The following CECR2 variants were observed in gnomAD, a reference collection of about 807,000 sequenced individuals.
CECR2 encodes CECR2 histone acetyl-lysine reader.
In CECR2, 30 loss-of-function variants were observed where a neutral mutation model predicts 154.5. The observed-to-expected ratio is 0.19, with a 90% CI of 0.15 to 0.26. CECR2 has a LOEUF of 0.26. Among genes scored for constraint, CECR2 ranks in the 10% least tolerant of loss-of-function variants. The pLI is 1.00. For synonymous variants in CECR2, 725 were observed against 683.7 expected, an observed-to-expected ratio of 1.06 and a Z score of -0.94; for missense variants, 1,743 against 1,829.3, an observed-to-expected ratio of 0.95 and a Z score of 0.86.
chr22:17,371,427 A>T (rs2063059408), intron 1 of CECR2, among the ~76,000 whole-genome samples: 2 of 152,196 alleles, frequency 1.3e-5, no homozygotes, highest in South Asian at 4.1e-4. Flanking sequence ...TTTGAACGTG[A>T]ATGTAGCAAG....
At chr22:17,547,685 C>T (rs896015293) in intron 16 of CECR2, among the ~76,000 whole-genome samples, 4 of 152,142 alleles carry the variant, frequency 2.6e-5, no homozygotes, top group African/African-American at 9.7e-5. Context: ...CTTTTATTCT[C>T]GTGGAGCAGA....
intron 1 of CECR2, among the ~76,000 whole-genome samples, chr22:17,442,275 C>A (rs1385069997): frequency 6.6e-6 from 1 of 152,122 alleles, no homozygotes. Context: ...TTAAAAAATG[C>A]AGATCAGGCC....
intron 1 of CECR2, among the ~76,000 whole-genome samples, chr22:17,416,018 C>T (rs2054152179): frequency 6.6e-6 from 1 of 152,136 alleles, no homozygotes; most frequent in Non-Finnish European, 1.5e-5. Context: ...TTAGGATTGC[C>T]ATTAATGTTT....
Position 17,553,064 on chromosome 22 carries a change from C to A in CECR2, c.*224C>A. The A allele has an allele frequency of 1.9e-6, 2 of 1,066,316 alleles. No individual in the cohort carries two copies. The highest frequency in any genetic ancestry group is 2.5e-6 in the Non-Finnish European group (2 of 808,384). 66.1% of individuals were successfully genotyped at this position (1,066,316 alleles called of 1,614,324 possible). A position where few individuals can be genotyped will look rare whatever the true frequency, so the allele number is the denominator to read the frequency against. ...AAGGTCCTCGGCCAGGGATCTCTTG[C>A]ACAGCTGATGTAGACAGTCAGGCAA... On this transcript the variant is annotated 3_prime_UTR_variant, in exon 19 of 19. Transcript: ENST00000262608.
At chr22:17,505,835 C>CT (rs3994825) in intron 7 of CECR2, among the ~76,000 whole-genome samples, 1,397 of 84,484 alleles carry the variant, frequency 0.017, 60 homozygotes, top group East Asian at 0.081. Flanking sequence ...CTGCACCCGG[C>CT]TTTTTTTTTT....
upstream of CECR2, chr22:17,369,397 G>GCCCCCTCCTCGTGGGCGGCCCCT (rs2063026956): frequency 1.3e-5 from 2 of 151,226 alleles, no homozygotes; most frequent in African/African-American, 2.4e-5. Context: ...GGGCAGCCCC[G>GCCCCCTCCTCGTGGGCGGCCCCT]CCCCCTCCTC....
chr22:17,403,049 C>T (rs541433794), intron 1 of CECR2, among the ~76,000 whole-genome samples: 22 of 152,338 alleles, frequency 1.4e-4, no homozygotes, highest in African/African-American at 5.1e-4. Flanking sequence ...CCAGCGCACC[C>T]GGCAGTTTCC....
intron 9 of CECR2, among the ~76,000 whole-genome samples, chr22:17,529,238 G>T (rs1478857233): frequency 6.6e-6 from 1 of 152,196 alleles, no homozygotes; most frequent in Non-Finnish European, 1.5e-5. Context: ...AGTCCAGGGC[G>T]AGGCTGCAGC....
intron 9 of CECR2, among the ~76,000 whole-genome samples, chr22:17,524,502 C>T (rs1304521214): frequency 7.4e-6 from 1 of 135,410 alleles, no homozygotes; most frequent in Non-Finnish European, 1.6e-5. Flanking sequence ...ATGCCATTCT[C>T]CTGCCTCAGC....
Position 17,542,505 on chromosome 22 carries a change from C to T in CECR2, c.2362C>T (p.Pro788Ser), listed in dbSNP as rs1259026427. 1.2e-6 allele frequency: 2 copies of T among 1,613,954 alleles called. No homozygotes were observed. Among genetic ancestry groups the T allele is most frequent in the African/African-American group, 2.7e-5 (2 of 75,036 alleles). The change falls in exon 16 of 19, where the codon CCA (proline) becomes TCA (serine). Residue 788 changes from proline (P) to serine (S), a missense_variant. This residue lies in a region of CECR2 where 1,250 missense variants were observed against 1,192.1 expected (regional missense o/e 1.05). Coordinates refer to ENST00000262608, the MANE Select transcript of CECR2 (RefSeq NM_001290047.2). The stretch of plus-strand genomic sequence containing the variant: ...TGCTACGAACCAAGGACCCTTGGGC[C>T]CAGATGAGAAGCCCCACCTGGGGCC... ...HGATNQGPLGPDEKPHLGPGP... is the reference protein window; with the variant it reads ...HGATNQGPLGSDEKPHLGPGP...
At chr22:17,532,703 T>A in intron 9 of CECR2, among the ~76,000 whole-genome samples, 1 of 35,602 alleles carries the variant, frequency 2.8e-5, no homozygotes, top group African/African-American at 1.3e-4. Context: ...TATTATTCTT[T>A]TTTTTTTTTT....
chr22:17,383,707 G>T (rs1228973120), intron 1 of CECR2, among the ~76,000 whole-genome samples: 1 of 138,790 alleles, frequency 7.2e-6, no homozygotes, highest in Admixed American at 7.7e-5. Flanking sequence ...TATTGCCCAG[G>T]CTGGAGCGCA....
intron 1 of CECR2, among the ~76,000 whole-genome samples, chr22:17,392,146 G>T (rs2063332734): frequency 6.6e-6 from 1 of 152,172 alleles, no homozygotes. Flanking sequence ...AATAAGCGTG[G>T]CTTGGTAGCT....
At chr22:17,386,321 A>G (rs1398464958) in intron 1 of CECR2, among the ~76,000 whole-genome samples, 2 of 152,176 alleles carry the variant, frequency 1.3e-5, no homozygotes, top group Non-Finnish European at 2.9e-5. Context: ...AGACCTGTCA[A>G]ACAGAGAAGC....
chr22:17,458,414 CAA>C (rs1421816705), intron 1 of CECR2, among the ~76,000 whole-genome samples: 29 of 97,402 alleles, frequency 3.0e-4, no homozygotes, highest in Admixed American at 2.2e-4. Context: ...TCTCTGTCTC[CAA>C]AAAAAAAAAA....
chr22:17,480,912 C>T (rs1050683476), intron 2 of CECR2, among the ~76,000 whole-genome samples: 1 of 151,606 alleles, frequency 6.6e-6, no homozygotes. Flanking sequence ...TGGTGGTGCA[C>T]GCCTGTAGTC....
chr22:17,487,849 A>T (rs967261248), intron 2 of CECR2, among the ~76,000 whole-genome samples: 1 of 151,652 alleles, frequency 6.6e-6, no homozygotes, highest in Non-Finnish European at 1.5e-5. Flanking sequence ...ATTCATCAAC[A>T]TTGTATATTC....
chr22:17,449,306 A>T (rs5746392), intron 1 of CECR2, among the ~76,000 whole-genome samples: 45,429 of 151,578 alleles, frequency 0.3, 9,762 homozygotes, highest in African/African-American at 0.58. Flanking sequence ...TTCTTACTGG[A>T]TGCTGTCACC....
intron 3 of CECR2, among the ~76,000 whole-genome samples, 183 bp downstream of exon 3, chr22:17,497,769 T>A (rs1007117294): frequency 2.0e-5 from 3 of 152,214 alleles, no homozygotes; most frequent in Non-Finnish European, 2.9e-5. Flanking sequence ...AGATGCAAGA[T>A]GTACATCCCT....
Sources: gnomAD v4.1 joint callset for allele counts (sites outside exome capture counted in the v4.1 genomes callset) on GRCh38, gnomAD v4.1.1 for gene constraint, gnomAD v4.1.1 regional missense constraint, MANE v1.5 for transcripts, NCBI Gene and HGNC (gene_info 2026-07-23, HGNC 2026-07-21) for gene names.